Variants in NYAP2 observed in about 807,000 individuals in gnomAD.
The protein encoded by NYAP2 is neuronal tyrosine-phosphorylated phosphoinositide-3-kinase adapter 2.
In NYAP2, 23 loss-of-function variants were observed where a neutral mutation model predicts 50.4. The observed-to-expected ratio is 0.46, with a 90% CI of 0.33 to 0.65. The LOEUF is 0.65. Ranked by LOEUF, NYAP2 falls within the 30% of genes least tolerant of loss-of-function variation. NYAP2 has a pLI of 0.02. For missense variants in NYAP2, 885 were observed against 861.0 expected, an observed-to-expected ratio of 1.03 and a Z score of -0.35; for synonymous variants, 394 against 365.2, an observed-to-expected ratio of 1.08 and a Z score of -0.90.
intron 3 of NYAP2, among the ~76,000 whole-genome samples, chr2:225,492,065 A>G (rs1690417309): frequency 6.6e-6 from 1 of 152,162 alleles, no homozygotes; most frequent in South Asian, 2.1e-4. Context: ...CCTGAACTTG[A>G]GTGCTTAAGG....
intron 4 of NYAP2, among the ~76,000 whole-genome samples, chr2:225,566,861 C>A (rs1691970499): frequency 6.6e-6 from 1 of 152,008 alleles, no homozygotes; most frequent in African/African-American, 2.4e-5. Context: ...AGGTGATTGG[C>A]ATGCTGAGAT....
Position 225,582,092 on chromosome 2 carries a change from C to A in NYAP2, c.675C>A (p.Asp225Glu). The A allele has an allele frequency of 3.7e-6, 6 of 1,613,928 alleles. No individual in the cohort carries two copies. Among genetic ancestry groups the A allele is most frequent in the Non-Finnish European group, 5.1e-6 (6 of 1,179,788 alleles). The change falls in exon 5 of 7, where the codon GAC (aspartate) becomes GAA (glutamate). Residue 225 changes from aspartate (D) to glutamate (E), a missense_variant. Physicochemically the swap from Asp to Glu is conservative, Grantham distance 45 (BLOSUM62 2). Coordinates refer to ENST00000636099, the Ensembl canonical transcript of NYAP2. This position sits in a 1 kb window ranked among gnomAD's most constrained non-coding sequence, Gnocchi z 7.0. ...CCCGGAGGACGTCGCTGCCGCGGGA[C>A]TCCTCCTTGTCCCAGATGGGCAGCC... is the stretch of plus-strand genomic sequence containing the variant.
At chr2:225,682,947 G>A in the NYAP2 span, among the ~76,000 whole-genome samples, 1 of 152,048 alleles carries the variant, frequency 6.6e-6, no homozygotes, top group Admixed American at 6.6e-5. Context: ...ACATTTCTAG[G>A]CAGATAAATG....
At chr2:225,692,840 G>T in the NYAP2 span, among the ~76,000 whole-genome samples, 39 of 151,384 alleles carry the variant, frequency 2.6e-4, no homozygotes, top group East Asian at 7.2e-3. Flanking sequence ...GATTTGAAAA[G>T]AATATAGTCT....
At chr2:225,676,145 C>A in the NYAP2 span, among the ~76,000 whole-genome samples, 1 of 152,088 alleles carries the variant, frequency 6.6e-6, no homozygotes, top group Non-Finnish European at 1.5e-5. Context: ...TCTGCAGAAG[C>A]TCTTAGTTTA....
chr2:225,537,405 C>T (rs1574665211), intron 4 of NYAP2, among the ~76,000 whole-genome samples: 2 of 152,200 alleles, frequency 1.3e-5, no homozygotes, highest in African/African-American at 2.4e-5. Flanking sequence ...ATTTATTGGA[C>T]TTACAGTTCC....
At chr2:225,512,907 C>CT (rs1690858777) in intron 3 of NYAP2, among the ~76,000 whole-genome samples, 1 of 124,486 alleles carries the variant, frequency 8.0e-6, no homozygotes. Flanking sequence ...CTTTCCTTTC[C>CT]TTTCTTTTTC....
the NYAP2 span, among the ~76,000 whole-genome samples, chr2:225,670,605 CAAAA>C: frequency 1.3e-5 from 1 of 78,550 alleles, no homozygotes; most frequent in African/African-American, 3.3e-5. Context: ...CAGTATTTTC[CAAAA>C]AAAAAAAAAA....
At position 225,581,059 on chromosome 2, in the gene NYAP2, A is replaced by G. The variant is rs564742183; in HGVS notation, c.524-882A>G. 5.9e-5 allele frequency among the ~76,000 whole-genome samples: 9 copies of G among 152,340 alleles called. No homozygotes were observed. In the South Asian group the frequency reaches 1.9e-3, roughly 32 times the overall value. On this transcript the variant is annotated intron_variant, in intron 4 of 6. Coordinates refer to ENST00000636099, the Ensembl canonical transcript of NYAP2. Reference sequence around the variant, plus strand: ...TTGCCAGCCTCTTCCGTGCTATTGTATGATGTCAGAAGTTTATGTTCTGTC... The same window carrying G: ...TTGCCAGCCTCTTCCGTGCTATTGTGTGATGTCAGAAGTTTATGTTCTGTC...
intron 5 of NYAP2, among the ~76,000 whole-genome samples, chr2:225,616,748 T>C (rs776794952): frequency 1.1e-4 from 16 of 152,092 alleles, no homozygotes; most frequent in South Asian, 2.1e-4. Context: ...ATCTCAGTAA[T>C]TACAAACACA....
At chr2:225,657,062 G>T (rs554325261), downstream of NYAP2, among the ~76,000 whole-genome samples, 7 of 151,232 alleles carry the variant, frequency 4.6e-5, no homozygotes, top group South Asian at 8.4e-4. Context: ...AAGGGAGCCA[G>T]GAGAGTAAGG....
the NYAP2 span, among the ~76,000 whole-genome samples, chr2:225,696,270 T>C: frequency 6.6e-6 from 1 of 151,914 alleles, no homozygotes; most frequent in African/African-American, 2.4e-5. Flanking sequence ...TTGCAGCAGG[T>C]AGATAAATTC....
chr2:225,535,254 A>C (rs1402699938), intron 4 of NYAP2, among the ~76,000 whole-genome samples: 1 of 152,178 alleles, frequency 6.6e-6, no homozygotes. Flanking sequence ...TATGGACAAA[A>C]CTTAACACTG....
At chr2:225,585,988 T>A (rs971838202) in intron 5 of NYAP2, among the ~76,000 whole-genome samples, 1 of 152,208 alleles carries the variant, frequency 6.6e-6, no homozygotes, top group Non-Finnish European at 1.5e-5. Flanking sequence ...ACCCTGAGTC[T>A]CATTATTCTT....
chr2:225,620,548 T>A (rs12468481), intron 5 of NYAP2, among the ~76,000 whole-genome samples: 77,757 of 152,096 alleles, frequency 0.51, 20,455 homozygotes, highest in South Asian at 0.66. Context: ...AAATTCTCCA[T>A]AATACATTTA....
chr2:225,648,518 G>C (rs1333017232), intron 6 of NYAP2, among the ~76,000 whole-genome samples: 1 of 152,028 alleles, frequency 6.6e-6, no homozygotes, highest in Non-Finnish European at 1.5e-5. Flanking sequence ...ATTATGGGGA[G>C]GTTTCTGAGA....
At chr2:225,622,223 TGTCTCACTATGTTGCCCAGACTGA>T (rs761214623) in intron 5 of NYAP2, among the ~76,000 whole-genome samples, 18 of 152,106 alleles carry the variant, frequency 1.2e-4, no homozygotes, top group Non-Finnish European at 2.6e-4. Flanking sequence ...GTAGAGACAG[TGTCTCACTATGTTGCCCAGACTGA>T]TTTGGAATTC....
chr2:225,430,558 G>T (rs1695351058), intron 3 of NYAP2, among the ~76,000 whole-genome samples: 1 of 152,120 alleles, frequency 6.6e-6, no homozygotes, highest in Non-Finnish European at 1.5e-5. Context: ...ACTGTACAAA[G>T]TGCATTGCAT....
At chr2:225,692,593 T>TAC in the NYAP2 span, among the ~76,000 whole-genome samples, 8 of 151,940 alleles carry the variant, frequency 5.3e-5, no homozygotes, top group African/African-American at 1.7e-4. Flanking sequence ...TATATATATA[T>TAC]ACACACACAC....
Sources: allele counts gnomAD v4.1 joint callset (sites outside exome capture counted in the v4.1 genomes callset), GRCh38; gene constraint gnomAD v4.1.1; non-coding constraint Gnocchi (gnomAD v3.1); transcripts MANE v1.5; gene names NCBI Gene and HGNC (gene_info 2026-07-23, HGNC 2026-07-21).